The following GPR107 variants were observed in gnomAD, a reference collection of about 807,000 sequenced individuals.
The protein encoded by GPR107 is protein GPR107.
A neutral mutation model predicts 75.5 loss-of-function variants in GPR107; 31 were observed. The ratio of observed to expected loss-of-function variants is 0.41; its 90% CI spans 0.31 to 0.55. GPR107 has a LOEUF of 0.55. GPR107 is among the 20% of genes least tolerant of loss of function. GPR107 has a pLI of 0.26. For synonymous variants in GPR107, 267 were observed against 251.3 expected (o/e 1.06, Z -0.59); for missense variants, 572 against 665.7 (o/e 0.86, Z 1.55).
intron 1 of GPR107, among the ~76,000 whole-genome samples, chr9:130,057,192 G>A (rs1379587146): frequency 3.3e-5 from 5 of 152,010 alleles, no homozygotes; most frequent in Non-Finnish European, 5.9e-5. Flanking sequence ...AGGAGTATGC[G>A]TTGATCTCTT....
intron 7 of GPR107, among the ~76,000 whole-genome samples, chr9:130,089,701 A>G (rs1830690287): frequency 6.6e-6 from 1 of 152,204 alleles, no homozygotes. Flanking sequence ...ATCTTTTAAA[A>G]TAGAAGTTGT....
chr9:130,114,029 C>CTTTTTTTTTTTTTATTTTTTTTTT (rs1831363666), intron 14 of GPR107, among the ~76,000 whole-genome samples: 1 of 90,660 alleles, frequency 1.1e-5, no homozygotes, highest in Non-Finnish European at 2.0e-5. Context: ...TCTTCTCATT[C>CTTTTTTTTTTTTTATTTTTTTTTT]TTTTTTTTTT....
At chr9:130,075,241 C>CTTTTT (rs149248581) in intron 1 of GPR107, among the ~76,000 whole-genome samples, 4 of 76,706 alleles carry the variant, frequency 5.2e-5, no homozygotes, top group African/African-American at 1.9e-4. Flanking sequence ...TTTCTTTTAC[C>CTTTTT]TTTTTTTTTT....
At position 130,139,606 on chromosome 9, in the gene GPR107, CG is replaced by C; in HGVS notation, c.*4489del. ...TGGGCATGGCTTGGCCTCGCTACCTCGGGGACCTGTTGGAGTTCTGGCAGCA... is the reference window on the plus strand; with the variant it reads ...TGGGCATGGCTTGGCCTCGCTACCTCGGGACCTGTTGGAGTTCTGGCAGCA... On this transcript the variant is annotated 3_prime_UTR_variant, in exon 18 of 18. Transcript: ENST00000347136. The C allele has an allele frequency of 6.6e-6, 1 of 152,508 alleles. No homozygotes were observed. Among genetic ancestry groups the C allele is most frequent in the Non-Finnish European group, 1.5e-5 (1 of 68,196 alleles). 9.4% of individuals were successfully genotyped at this position (152,508 alleles called of 1,614,324 possible). A position where few individuals can be genotyped will look rare whatever the true frequency, so the allele number is the denominator to read the frequency against.
intron 1 of GPR107, among the ~76,000 whole-genome samples, chr9:130,056,969 TG>T (rs1821272683): frequency 7.0e-6 from 1 of 142,644 alleles, no homozygotes; most frequent in South Asian, 2.2e-4. Context: ...CACAAATTTG[TG>T]TTGGGCCGCA....
At chr9:130,118,339 C>T (rs117071221) in intron 14 of GPR107, among the ~76,000 whole-genome samples, 3,618 of 152,250 alleles carry the variant, frequency 0.024, 68 homozygotes, top group South Asian at 0.039. Flanking sequence ...TAATCTGTCT[C>T]CTTGCTGGCC....
intron 17 of GPR107, among the ~76,000 whole-genome samples, 168 bp from the exon 18 acceptor site, chr9:130,134,857 G>A (rs376656729): frequency 3.3e-5 from 5 of 152,232 alleles, no homozygotes; most frequent in South Asian, 4.1e-4. Context: ...CAAGTGACTT[G>A]GCCAAGGTTA....
chr9:130,092,907 C>G (rs901799990), intron 9 of GPR107, among the ~76,000 whole-genome samples: 1 of 152,218 alleles, frequency 6.6e-6, no homozygotes, highest in South Asian at 2.1e-4. Context: ...GCATGAGCCA[C>G]CGTGCCTGGC....
At chr9:130,085,167 A>G (rs1000014147) in intron 6 of GPR107, among the ~76,000 whole-genome samples, 3 of 152,178 alleles carry the variant, frequency 2.0e-5, no homozygotes, top group Admixed American at 6.5e-5. Context: ...CGTGAAGGGT[A>G]GCCTTGGAGA....
chr9:130,095,990 C>T (rs1281855275), intron 9 of GPR107, among the ~76,000 whole-genome samples: 2 of 152,160 alleles, frequency 1.3e-5, no homozygotes, highest in African/African-American at 4.8e-5. Context: ...TGTCACCCAA[C>T]AGACCTGGGA....
At chr9:130,097,109 CTG>C (rs1173469349) in intron 9 of GPR107, among the ~76,000 whole-genome samples, 1 of 151,832 alleles carries the variant, frequency 6.6e-6, no homozygotes, top group East Asian at 1.9e-4. Flanking sequence ...AGGAAGCACA[CTG>C]TGCCATGGGT....
At chr9:130,105,230 G>A (rs923980398) in intron 13 of GPR107, among the ~76,000 whole-genome samples, 3 of 151,834 alleles carry the variant, frequency 2.0e-5, no homozygotes, top group Admixed American at 6.6e-5. Context: ...GATTCACCCC[G>A]GCCTTCCATT....
chr9:130,060,928 C>G (rs1829913372), intron 1 of GPR107, among the ~76,000 whole-genome samples: 2 of 152,168 alleles, frequency 1.3e-5, no homozygotes, highest in South Asian at 4.1e-4. Context: ...CTGATGGGAT[C>G]TAGACTAGAA....
chr9:130,124,470 G>A (rs190071115), intron 14 of GPR107, among the ~76,000 whole-genome samples: 1 of 152,224 alleles, frequency 6.6e-6, no homozygotes, highest in Admixed American at 6.5e-5. Flanking sequence ...TACACCCTCA[G>A]CTAGTGGGAG....
At chr9:130,126,275 GA>G (rs1831681296) in intron 15 of GPR107, among the ~76,000 whole-genome samples, 1 of 151,312 alleles carries the variant, frequency 6.6e-6, no homozygotes. Context: ...TAATTTCTTG[GA>G]ATATATAAGG....
At chr9:130,075,530 G>A (rs566681894) in intron 1 of GPR107, 106 bp from the exon 2 acceptor site, 24 of 626,404 alleles carry the variant, frequency 3.8e-5, no homozygotes, top group Middle Eastern at 6.4e-4. Flanking sequence ...ACAGGCTTGA[G>A]CCACCGTGCC....
chr9:130,096,514 G>A (rs1830874892), intron 9 of GPR107, among the ~76,000 whole-genome samples: 1 of 145,852 alleles, frequency 6.9e-6, no homozygotes, highest in African/African-American at 2.6e-5. Context: ...TGTGCCCCAG[G>A]CTGGAGTGCA....
intron 5 of GPR107, among the ~76,000 whole-genome samples, chr9:130,081,781 A>G (rs1830497882): frequency 6.6e-6 from 1 of 151,718 alleles, no homozygotes; most frequent in African/African-American, 2.4e-5. Flanking sequence ...TCTTGAACCC[A>G]GGAGACAGAG....
chr9:130,113,264 T>C (rs1349110566), intron 14 of GPR107, among the ~76,000 whole-genome samples: 3 of 94,212 alleles, frequency 3.2e-5, no homozygotes, highest in Non-Finnish European at 4.5e-5. Flanking sequence ...TTTTTTTTTT[T>C]TTCCTTGAGT....
Sources: allele counts gnomAD v4.1 joint callset (sites outside exome capture counted in the v4.1 genomes callset), GRCh38; gene constraint gnomAD v4.1.1; transcripts MANE v1.5; gene names NCBI Gene and HGNC (gene_info 2026-07-23, HGNC 2026-07-21).